The following DLG2 variants were observed in gnomAD, a reference collection of about 807,000 sequenced individuals.
DLG2 encodes discs large MAGUK scaffold protein 2, also known as disks large homolog 2.
DLG2 carries 45 observed loss-of-function variants against 132.5 expected under a neutral mutation model. The ratio of observed to expected loss-of-function variants is 0.34; its 90% CI spans 0.27 to 0.44. The LOEUF (loss-of-function observed/expected upper bound fraction) is 0.44, where lower values mean the gene tolerates loss of function less well. Among genes scored for constraint, DLG2 ranks in the 20% least tolerant of loss-of-function variants. The probability of loss-of-function intolerance (pLI) is 1.00; values close to 1 mark genes in which losing one functional copy is unlikely to be tolerated. For synonymous variants in DLG2, 424 were observed against 419.6 expected (o/e 1.01, Z -0.13); for missense variants, 1,045 against 1,196.9 (o/e 0.87, Z 1.87).
intron 7 of DLG2, among the ~76,000 whole-genome samples, chr11:84,297,951 A>G (rs1437753998): frequency 6.6e-6 from 1 of 152,106 alleles, no homozygotes; most frequent in African/African-American, 2.4e-5. Context: ...TCATCTCTCA[A>G]GTAGGAACTC....
intron 8 of DLG2, among the ~76,000 whole-genome samples, chr11:84,198,390 T>G (rs2096550056): frequency 2.0e-5 from 3 of 152,146 alleles, no homozygotes; most frequent in African/African-American, 7.2e-5. Flanking sequence ...AAGCAATAGC[T>G]TTAGGGAAAT....
chr11:85,612,616 G>C (rs1233159454), intron 2 of DLG2, among the ~76,000 whole-genome samples: 1 of 152,042 alleles, frequency 6.6e-6, no homozygotes, highest in African/African-American at 2.4e-5. Context: ...AACTTACAAG[G>C]TTTTCAACAA....
intron 11 of DLG2, among the ~76,000 whole-genome samples, chr11:84,004,713 T>A (rs1592870470): frequency 6.6e-6 from 1 of 151,852 alleles, no homozygotes; most frequent in East Asian, 1.9e-4. Flanking sequence ...TAGGAACAGA[T>A]TTAACCAAGA....
At chr11:85,293,484 A>G (rs1352081677) in intron 3 of DLG2, among the ~76,000 whole-genome samples, 15 of 152,178 alleles carry the variant, frequency 9.9e-5, no homozygotes. Context: ...AAATACCAAG[A>G]AGAACATAGC....
At chr11:85,491,282 G>C (rs1051568050) in intron 3 of DLG2, among the ~76,000 whole-genome samples, 3 of 151,976 alleles carry the variant, frequency 2.0e-5, no homozygotes, top group Non-Finnish European at 2.9e-5. Context: ...AATAGCAAAG[G>C]CCATGTGTGA....
intron 7 of DLG2, among the ~76,000 whole-genome samples, chr11:84,394,337 A>G (rs1445651876): frequency 7.1e-5 from 10 of 140,964 alleles, no homozygotes; most frequent in Admixed American, 2.8e-4. Context: ...AAAGTCTTTC[A>G]GTTTTTTTTT....
chr11:84,487,967 T>C (rs1053017757), intron 7 of DLG2, among the ~76,000 whole-genome samples: 4 of 152,122 alleles, frequency 2.6e-5, no homozygotes, highest in African/African-American at 9.6e-5. Context: ...TATTCATGGA[T>C]CAGAGGTAGA....
At chr11:85,473,101 T>C (rs955000216) in intron 3 of DLG2, among the ~76,000 whole-genome samples, 1 of 152,226 alleles carries the variant, frequency 6.6e-6, no homozygotes, top group Non-Finnish European at 1.5e-5. Flanking sequence ...CTGGTCTAGC[T>C]GCAGCCTCAC....
intron 3 of DLG2, among the ~76,000 whole-genome samples, chr11:85,477,816 G>T (rs1565552715): frequency 6.6e-6 from 1 of 152,198 alleles, no homozygotes; most frequent in Non-Finnish European, 1.5e-5. Flanking sequence ...ACAATAGAAA[G>T]TATTTTTGAA....
At chr11:84,304,410 G>A (rs937269347) in intron 7 of DLG2, among the ~76,000 whole-genome samples, 2 of 152,224 alleles carry the variant, frequency 1.3e-5, no homozygotes. Flanking sequence ...TAAAGAGGAA[G>A]ATGTGCTTAA....
chr11:84,533,939 C>CAAAAAAAAAAAA (rs2099349313), intron 7 of DLG2, among the ~76,000 whole-genome samples: 1 of 77,664 alleles, frequency 1.3e-5, no homozygotes, highest in African/African-American at 4.9e-5. Flanking sequence ...AAAAAAAAAT[C>CAAAAAAAAAAAA]AGAGTAATTT....
intron 17 of DLG2, among the ~76,000 whole-genome samples, chr11:83,819,173 T>C (rs2049983792): frequency 6.6e-6 from 1 of 151,616 alleles, no homozygotes; most frequent in Admixed American, 6.6e-5. Context: ...CTCCGCCAAA[T>C]GAAAGAAAAA....
At chr11:84,684,701 C>T (rs2099736498) in intron 6 of DLG2, among the ~76,000 whole-genome samples, 1 of 152,098 alleles carries the variant, frequency 6.6e-6, no homozygotes, top group Non-Finnish European at 1.5e-5. Context: ...ATAACAATAC[C>T]CACCTCTCAG....
At chr11:83,535,553 C>G (rs2095858888) in intron 20 of DLG2, among the ~76,000 whole-genome samples, 1 of 151,836 alleles carries the variant, frequency 6.6e-6, no homozygotes, top group Non-Finnish European at 1.5e-5. Flanking sequence ...AAAATGGTTG[C>G]AAAGAATATT....
At chr11:83,497,126 C>T (rs927892542) in intron 21 of DLG2, among the ~76,000 whole-genome samples, 10 of 152,046 alleles carry the variant, frequency 6.6e-5, no homozygotes, top group Non-Finnish European at 1.3e-4. Context: ...AATGCAGGAA[C>T]CAAAATGTTG....
chr11:84,957,202 C>T (rs1346457620), intron 6 of DLG2, among the ~76,000 whole-genome samples: 1 of 152,144 alleles, frequency 6.6e-6, no homozygotes, highest in Non-Finnish European at 1.5e-5. Flanking sequence ...CAAACCTAGA[C>T]TTGCTGGCTC....
At chr11:84,619,488 C>A (rs189732611) in intron 6 of DLG2, among the ~76,000 whole-genome samples, 1 of 150,832 alleles carries the variant, frequency 6.6e-6, no homozygotes, top group Non-Finnish European at 1.5e-5. Flanking sequence ...AATAATAATA[C>A]CAGAATAATA....
chr11:84,857,541 T>C (rs756130961), intron 6 of DLG2, among the ~76,000 whole-genome samples: 2 of 152,102 alleles, frequency 1.3e-5, no homozygotes, highest in African/African-American at 4.8e-5. Context: ...ACAATGGATT[T>C]AAATAAGTTT....
At chr11:84,927,183 AAATAC>A (rs754499192) in intron 6 of DLG2, among the ~76,000 whole-genome samples, 2 of 152,060 alleles carry the variant, frequency 1.3e-5, no homozygotes, top group Non-Finnish European at 2.9e-5. Context: ...AATTTGTTAC[AAATAC>A]AATAACAGCA....
Sources: allele counts gnomAD v4.1 joint callset (sites outside exome capture counted in the v4.1 genomes callset), GRCh38; gene constraint gnomAD v4.1.1; transcripts MANE v1.5; gene names NCBI Gene and HGNC (gene_info 2026-07-23, HGNC 2026-07-21).